DTD1: variants seen among roughly 807,000 people sequenced by gnomAD.
The protein encoded by DTD1 is D-aminoacyl-tRNA deacylase 1.
In DTD1, 13 loss-of-function variants were observed where a neutral mutation model predicts 25.6. The ratio of observed to expected loss-of-function variants is 0.51; its 90% CI spans 0.33 to 0.81. The LOEUF is 0.81. Among genes scored for constraint, DTD1 ranks in the 30% least tolerant of loss-of-function variants. The probability of loss-of-function intolerance (pLI) is 0.02; values close to 1 mark genes in which losing one functional copy is unlikely to be tolerated. For synonymous variants in DTD1, 110 were observed against 103.6 expected, an observed-to-expected ratio of 1.06 and a Z score of -0.37; for missense variants, 193 against 266.4, an observed-to-expected ratio of 0.72 and a Z score of 1.92.
At chr20:18,632,559 T>A (rs2060792678) in intron 4 of DTD1, 5 of 985,360 alleles carry the variant, frequency 5.1e-6, no homozygotes, top group Non-Finnish European at 4.8e-6. Flanking sequence ...TTCTTTTTAC[T>A]GATAGATAAA....
intron 4 of DTD1, among the ~76,000 whole-genome samples, chr20:18,670,046 T>C (rs1413783034): frequency 6.6e-6 from 1 of 152,162 alleles, no homozygotes; most frequent in Non-Finnish European, 1.5e-5. Flanking sequence ...AGCTTCCTTC[T>C]TCCTGCCCTC....
chr20:18,706,031 A>G (rs746858681), intron 4 of DTD1, among the ~76,000 whole-genome samples: 38 of 152,096 alleles, frequency 2.5e-4, no homozygotes, highest in Non-Finnish European at 4.9e-4. Context: ...TTTTCTTTTC[A>G]CTCAGATTTG....
At chr20:18,614,040 A>G (rs1251343427) in intron 3 of DTD1, among the ~76,000 whole-genome samples, 2 of 152,346 alleles carry the variant, frequency 1.3e-5, no homozygotes, top group East Asian at 3.9e-4. Context: ...TCCTGGGCTC[A>G]AGTGGTCTGC....
At chr20:18,661,485 C>T (rs909996181) in intron 4 of DTD1, among the ~76,000 whole-genome samples, 3 of 151,418 alleles carry the variant, frequency 2.0e-5, no homozygotes, top group Non-Finnish European at 4.4e-5. Context: ...CATTCTCCTG[C>T]CTCAGCCTCC....
At chr20:18,680,951 T>C (rs932245824) in intron 4 of DTD1, among the ~76,000 whole-genome samples, 1 of 152,206 alleles carries the variant, frequency 6.6e-6, no homozygotes, top group African/African-American at 2.4e-5. Context: ...GGAACCACCA[T>C]AGAGAGACTT....
chr20:18,664,508 A>G lies in DTD1; in HGVS notation c.477+36275A>G, dbSNP rs192164696. 1.1e-3 allele frequency among the ~76,000 whole-genome samples: 163 copies of G among 152,244 alleles called. 1 individual carries two copies. Among genetic ancestry groups the G allele is most frequent in the African/African-American group, 3.5e-3 (146 of 41,530 alleles). Reference sequence around the variant, plus strand: ...CTTGTAATGTCCTCGGTGATGGGAAATTCTACAGCAGGATTCAAGATTCTG... The same window carrying G: ...CTTGTAATGTCCTCGGTGATGGGAAGTTCTACAGCAGGATTCAAGATTCTG... On this transcript the variant is annotated intron_variant, in intron 4 of 5. Transcript: ENST00000377452.
At chr20:18,646,293 T>C (rs1459441506) in intron 4 of DTD1, among the ~76,000 whole-genome samples, 1 of 152,160 alleles carries the variant, frequency 6.6e-6, no homozygotes, top group Non-Finnish European at 1.5e-5. Context: ...GGAAAGGGGC[T>C]CTCCTTGTGC....
At chr20:18,750,089 G>C (rs1178631431) in intron 5 of DTD1, among the ~76,000 whole-genome samples, 1 of 152,214 alleles carries the variant, frequency 6.6e-6, no homozygotes, top group African/African-American at 2.4e-5. Context: ...AACTAGCCGA[G>C]GACCAGAGCG....
intron 3 of DTD1, among the ~76,000 whole-genome samples, chr20:18,617,765 C>T (rs534600883): frequency 3.9e-5 from 6 of 152,132 alleles, no homozygotes; most frequent in South Asian, 2.1e-4. Context: ...TAAAAATATT[C>T]CCCTTTCTAT....
chr20:18,675,552 A>C (rs137867718), intron 4 of DTD1: 196 of 151,954 alleles, frequency 1.3e-3, no homozygotes, highest in African/African-American at 4.4e-3. Context: ...TATCCTTGCC[A>C]AATGTCTCGG....
At chr20:18,708,304 A>C (rs1174731523) in intron 4 of DTD1, among the ~76,000 whole-genome samples, 2 of 55,680 alleles carry the variant, frequency 3.6e-5, no homozygotes, top group East Asian at 4.0e-4. Context: ...TATAATATAT[A>C]TATTTTATAT....
At chr20:18,598,001 A>C (rs2060618691) in intron 3 of DTD1, among the ~76,000 whole-genome samples, 1 of 152,132 alleles carries the variant, frequency 6.6e-6, no homozygotes, top group Non-Finnish European at 1.5e-5. Flanking sequence ...TTTTTTGTAA[A>C]AAAATTATTA....
At chr20:18,630,056 A>G (rs1257037595) in intron 4 of DTD1, among the ~76,000 whole-genome samples, 1 of 152,094 alleles carries the variant, frequency 6.6e-6, no homozygotes, top group Non-Finnish European at 1.5e-5. Flanking sequence ...GTATTGAGGA[A>G]CATGTCTGAT....
At chr20:18,742,691 G>T (rs2061283257) in intron 4 of DTD1, among the ~76,000 whole-genome samples, 1 of 152,144 alleles carries the variant, frequency 6.6e-6, no homozygotes, top group Admixed American at 6.5e-5. Context: ...GGTCCCTGGT[G>T]CCAAAAATGT....
intron 5 of DTD1, among the ~76,000 whole-genome samples, chr20:18,747,138 G>A (rs1276906637): frequency 1.3e-5 from 2 of 152,210 alleles, no homozygotes; most frequent in African/African-American, 2.4e-5. Context: ...GAGGTGAAAT[G>A]TGCTAAGTGA....
At chr20:18,650,110 TC>T (rs1312427705) in intron 4 of DTD1, among the ~76,000 whole-genome samples, 1 of 152,074 alleles carries the variant, frequency 6.6e-6, no homozygotes, top group African/African-American at 2.4e-5. Context: ...ATGTCTGTAG[TC>T]CCTGCTACTC....
intron 3 of DTD1, among the ~76,000 whole-genome samples, chr20:18,619,295 C>G (rs1230735528): frequency 1.3e-5 from 2 of 152,202 alleles, no homozygotes; most frequent in South Asian, 4.1e-4. Context: ...ATTTTGATCC[C>G]TAAGCAGTAG....
At chr20:18,626,536 A>G (rs1458711382) in intron 3 of DTD1, among the ~76,000 whole-genome samples, 2 of 152,222 alleles carry the variant, frequency 1.3e-5, no homozygotes, top group South Asian at 2.1e-4. Context: ...ACTTGATTAT[A>G]TCACCATAGG....
intron 4 of DTD1, chr20:18,692,069 A>C (rs2061049770): frequency 6.6e-6 from 1 of 152,226 alleles, no homozygotes; most frequent in Admixed American, 6.5e-5. Context: ...AGGGCACAAT[A>C]AAGCATGTAT....
Sources: gnomAD v4.1 joint callset for allele counts (sites outside exome capture counted in the v4.1 genomes callset) on GRCh38, gnomAD v4.1.1 for gene constraint, MANE v1.5 for transcripts, NCBI Gene and HGNC (gene_info 2026-07-23, HGNC 2026-07-21) for gene names.